The following PP2D1 variants were observed in gnomAD, a reference collection of about 807,000 sequenced individuals.
PP2D1 encodes the protein protein phosphatase 2C-like domain-containing protein 1.
PP2D1 carries 25 observed loss-of-function variants against 30.2 expected under a neutral mutation model. The ratio of observed to expected loss-of-function variants is 0.83; its 90% confidence interval spans 0.60 to 1.16. The LOEUF is 1.16. Ranked by LOEUF, PP2D1 falls within the 50% of genes most tolerant of loss-of-function variation. The probability of loss-of-function intolerance (pLI) is 0.00; values close to 1 mark genes in which losing one functional copy is unlikely to be tolerated. For missense variants in PP2D1, 760 were observed against 742.4 expected (o/e 1.02, Z -0.28); for synonymous variants, 260 against 258.9 (o/e 1.00, Z -0.04).
rs1174861900 is a variant in PP2D1 at position 19,985,992 on chromosome 3, C to T, written c.1281G>A (p.Lys427=). 2.6e-6 allele frequency: 4 copies of T among 1,536,078 alleles called. No homozygotes were observed. Among genetic ancestry groups the T allele is most frequent in the Middle Eastern group, 1.7e-4 (1 of 5,990 alleles). ...TRGLGFHGNL[K]LKKSIIPAPQ... ...GTGCTGGGATAATGGATTTTTTCAG[C>T]TTGAGATTTCCATGAAATCCAAGTC... The change falls in exon 3 of 3, where the codon AAG becomes AAA. Residue 427 remains lysine, a synonymous_variant. Transcript: ENST00000389050.
rs1010817348 is a variant in PP2D1 at position 20,001,295 on chromosome 3, C to T, written c.825G>A (p.Val275=). The part of the protein sequence containing the change: ...LFSAINKTEA[V]RCEYEDTHKA... ...TGTGTGTGTCCTCATACTCACACCT[C>T]ACTGCTTCTGTTTTGTTTATGGCAG... The change falls in exon 2 of 3, where the codon GTG becomes GTA. Residue 275 remains valine, a synonymous_variant. Transcript: ENST00000389050. The T allele has an allele frequency of 3.9e-6, 6 of 1,535,890 alleles. No homozygotes were observed. The South Asian group carries it at 7.1e-5, about 18-fold the overall frequency.
chr3:19,981,644 AC>A (rs1696930112), downstream of PP2D1, among the ~76,000 whole-genome samples: 1 of 152,080 alleles, frequency 6.6e-6, no homozygotes, highest in East Asian at 1.9e-4. Context: ...TCAAAAACAT[AC>A]AACTTAGGAT....
chr3:19,982,695 A>G (rs1696952512), downstream of PP2D1, among the ~76,000 whole-genome samples: 1 of 151,898 alleles, frequency 6.6e-6, no homozygotes, highest in Non-Finnish European at 1.5e-5. Context: ...TTTGGAACTC[A>G]GGACTGCAGT....
Position 20,001,054 on chromosome 3 carries a change from CAGAA to C in PP2D1, c.1062_1065del (p.Ile354MetfsTer25), listed in dbSNP as rs2125144025. ...CCAGTGTTTGCAACATGTAATATTC[CAGAA>C]ATTATTTTTGGCATCTCCTGGGAAG... is the stretch of plus-strand genomic sequence containing the variant. On this transcript the variant is annotated frameshift_variant, in exon 2 of 3. Transcript: ENST00000389050. LOFTEE classifies it low-confidence loss of function (END_TRUNC). The C allele has an allele frequency of 7.2e-7, 1 of 1,393,488 alleles. No homozygotes were observed. The highest frequency in any genetic ancestry group is 9.3e-7 in the Non-Finnish European group (1 of 1,075,288). 86.3% of individuals were successfully genotyped at this position (1,393,488 alleles called of 1,614,324 possible).
At chr3:19,981,175 TAAAAC>T (rs1402759318), downstream of PP2D1, among the ~76,000 whole-genome samples, 1 of 152,194 alleles carries the variant, frequency 6.6e-6, no homozygotes, top group Non-Finnish European at 1.5e-5. Flanking sequence ...TCTTATGTAT[TAAAAC>T]AAACTACAGC....
chr3:20,000,549 T>A (rs1697238116), intron 2 of PP2D1, among the ~76,000 whole-genome samples: 1 of 152,208 alleles, frequency 6.6e-6, no homozygotes, highest in Admixed American at 6.5e-5. Context: ...GAACTATTAT[T>A]CTCTCTGAGA....
At chr3:20,002,643 G>A (rs1375354834) in intron 1 of PP2D1, among the ~76,000 whole-genome samples, 1 of 152,236 alleles carries the variant, frequency 6.6e-6, no homozygotes, top group East Asian at 1.9e-4. Flanking sequence ...TAGAAGGCCA[G>A]GCACGGTGGC....
At chr3:20,004,363 G>T (rs868016330) in intron 1 of PP2D1, among the ~76,000 whole-genome samples, 4 of 152,148 alleles carry the variant, frequency 2.6e-5, no homozygotes, top group Non-Finnish European at 4.4e-5. Flanking sequence ...ACACAACAGC[G>T]ACATTGCCTA....
At position 19,999,404 on chromosome 3, in the gene PP2D1, C is replaced by T. The variant is rs188757085; in HGVS notation, c.1090+1626G>A. 9.2e-3 allele frequency among the ~76,000 whole-genome samples: 1,377 copies of T among 149,174 alleles called. 20 individuals are homozygous for T. The highest frequency in any genetic ancestry group is 0.01 in the Non-Finnish European group (690 of 67,376). ...TTTTTATTTTTTATTTTTTTGGAGA[C>T]GGAGTCTCTCTTTGTTGCCCAGTCT... On this transcript the variant is annotated intron_variant, in intron 2 of 2. Transcript: ENST00000389050.
intron 2 of PP2D1, chr3:19,996,967 A>G (rs1697187778): frequency 6.6e-6 from 1 of 152,018 alleles, no homozygotes; most frequent in Admixed American, 6.6e-5. Flanking sequence ...GAGAAATACC[A>G]TATGATAACC....
intron 1 of PP2D1, among the ~76,000 whole-genome samples, chr3:20,011,005 A>G (rs939073426): frequency 2.0e-5 from 3 of 152,116 alleles, no homozygotes; most frequent in African/African-American, 7.2e-5. Context: ...AGCCAAGGAC[A>G]AAGTCCCATT....
Position 19,985,927 on chromosome 3 carries a change from A to G in PP2D1, c.1346T>C (p.Phe449Ser), listed in dbSNP as rs1697026427. Reference protein sequence around the residue: ...ISVPIDDLCQFLIVATNGLWE... With the variant: ...ISVPIDDLCQSLIVATNGLWE... ...AAGTCCATTAGTAGCTACAATAAGG[A>G]ATTGACATAGGTCATCTATAGGGAC... Residue 449 changes from phenylalanine to serine, a missense_variant, in exon 3 of 3, where the codon TTC becomes TCC. Phe to Ser is a radical substitution (Grantham distance 155). Coordinates refer to ENST00000389050, the MANE Select transcript of PP2D1 (RefSeq NM_001252657.2). 2.6e-6 allele frequency: 4 copies of G among 1,536,384 alleles called. No individual in the cohort carries two copies. The highest frequency in any genetic ancestry group is 3.5e-6 in the Non-Finnish European group (4 of 1,146,954).
At chr3:20,002,999 G>A (rs1447891089) in intron 1 of PP2D1, among the ~76,000 whole-genome samples, 7 of 151,854 alleles carry the variant, frequency 4.6e-5, no homozygotes, top group Non-Finnish European at 1.0e-4. Flanking sequence ...AGGTTGCAGT[G>A]AGCCGAGATG....
chr3:19,992,049 G>A (rs954279786), intron 2 of PP2D1, among the ~76,000 whole-genome samples: 1 of 152,200 alleles, frequency 6.6e-6, no homozygotes, highest in Admixed American at 6.5e-5. Context: ...CTTCAGTGCT[G>A]TAGTTTCAGC....
intron 2 of PP2D1, among the ~76,000 whole-genome samples, chr3:19,992,536 C>A (rs1559497309): frequency 6.6e-6 from 1 of 151,984 alleles, no homozygotes; most frequent in Non-Finnish European, 1.5e-5. Flanking sequence ...ATTTTCACAC[C>A]CATGGAAACA....
chr3:20,008,330 G>C (rs1697347092), intron 1 of PP2D1: 1 of 152,860 alleles, frequency 6.5e-6, no homozygotes, highest in Non-Finnish European at 1.5e-5. Flanking sequence ...CAGCACTTTG[G>C]GAGGCCGAGG....
At chr3:20,004,895 C>T (rs1697299638) in intron 1 of PP2D1, among the ~76,000 whole-genome samples, 2 of 152,010 alleles carry the variant, frequency 1.3e-5, no homozygotes, top group South Asian at 2.1e-4. Context: ...TCACTTGAGG[C>T]CAGGAGTTTG....
intron 1 of PP2D1, among the ~76,000 whole-genome samples, chr3:20,007,392 A>G (rs1367732327): frequency 6.6e-6 from 1 of 152,198 alleles, no homozygotes; most frequent in African/African-American, 2.4e-5. Context: ...CTCTGTTGTG[A>G]AAAATGTAGA....
chr3:20,008,035 G>T, intron 1 of PP2D1: 1 of 176,658 alleles, frequency 5.7e-6, no homozygotes, highest in East Asian at 1.5e-4. Context: ...TCTAGCCTCT[G>T]GATAGACTTA....
Sources: allele counts gnomAD v4.1 joint callset (sites outside exome capture counted in the v4.1 genomes callset), GRCh38; gene constraint gnomAD v4.1.1; transcripts MANE v1.5; gene names NCBI Gene and HGNC (gene_info 2026-07-23, HGNC 2026-07-21).